Variants in CHEK1 observed in about 807,000 individuals in gnomAD.
CHEK1 encodes serine/threonine-protein kinase Chk1.
Under a neutral mutation model 60.2 loss-of-function variants are expected in CHEK1, and 32 were observed. The ratio of observed to expected loss-of-function variants is 0.53; its 90% confidence interval spans 0.40 to 0.71. The LOEUF (loss-of-function observed/expected upper bound fraction) is 0.71. Among genes scored for constraint, CHEK1 ranks in the 30% least tolerant of loss-of-function variants. CHEK1 has a pLI of 0.00. For missense variants in CHEK1, 399 were observed against 564.6 expected, an observed-to-expected ratio of 0.71 and a Z score of 2.97; for synonymous variants, 179 against 187.2, an observed-to-expected ratio of 0.96 and a Z score of 0.36.
At chr11:125,671,134 T>C (rs1942194703) in intron 13 of CHEK1, among the ~76,000 whole-genome samples, 2 of 152,142 alleles carry the variant, frequency 1.3e-5, no homozygotes, top group Admixed American at 6.5e-5. Context: ...CTCAAATTAT[T>C]TTCCTGCCTC....
chr11:125,648,456 C>T (rs901559017), intron 11 of CHEK1, among the ~76,000 whole-genome samples: 1 of 151,886 alleles, frequency 6.6e-6, no homozygotes, highest in Non-Finnish European at 1.5e-5. Context: ...GTTGCGGGCA[C>T]CGGTAATCCC....
At chr11:125,665,037 T>C (rs1942074546) in intron 13 of CHEK1, among the ~76,000 whole-genome samples, 2 of 152,184 alleles carry the variant, frequency 1.3e-5, no homozygotes, top group South Asian at 4.1e-4. Context: ...TTGAAGAGAC[T>C]GTCCCCAGTG....
At chr11:125,639,524 G>A (rs1941203349) in intron 8 of CHEK1, among the ~76,000 whole-genome samples, 1 of 151,062 alleles carries the variant, frequency 6.6e-6, no homozygotes, top group Admixed American at 6.6e-5. Flanking sequence ...TTACAGGTGT[G>A]AACCACCACA....
intron 6 of CHEK1, among the ~76,000 whole-genome samples, chr11:125,634,947 T>G (rs1336911325): frequency 1.4e-5 from 2 of 147,604 alleles, no homozygotes; most frequent in Non-Finnish European, 3.0e-5. Flanking sequence ...CAAGAAATGA[T>G]TCATCTGTTT....
Position 125,656,157 on chromosome 11 carries a change from A to G in CHEK1, c.*837A>G, listed in dbSNP as rs1941896815. On this transcript the variant is annotated 3_prime_UTR_variant, in exon 13 of 13. Transcript: ENST00000438015. Reference sequence around the variant, plus strand: ...TGTTCCTTTACCTGTTAGACTTACAAAAAGTTTGTTTTTCTAATAAAATTT... The same window carrying G: ...TGTTCCTTTACCTGTTAGACTTACAGAAAGTTTGTTTTTCTAATAAAATTT... The G allele has an allele frequency of 4.8e-6, 1 of 210,344 alleles. No homozygotes were observed. Among genetic ancestry groups the G allele is most frequent in the African/African-American group, 2.3e-5 (1 of 44,160 alleles). 13.0% of individuals were successfully genotyped at this position (210,344 alleles called of 1,614,324 possible). A position where few individuals can be genotyped will look rare whatever the true frequency, so the allele number is the denominator to read the frequency against.
downstream of CHEK1, among the ~76,000 whole-genome samples, chr11:125,678,470 C>G (rs570125567): frequency 2.0e-5 from 3 of 152,094 alleles, no homozygotes; most frequent in African/African-American, 4.8e-5. Flanking sequence ...CCCAAAAGGC[C>G]ATGGAGGACA....
At chr11:125,680,249 A>C (rs1051368727), downstream of CHEK1, among the ~76,000 whole-genome samples, 2 of 152,238 alleles carry the variant, frequency 1.3e-5, no homozygotes, top group Non-Finnish European at 1.5e-5. Context: ...GATGATACAG[A>C]AAACCTGATT....
chr11:125,651,577 T>A (rs771672126), intron 11 of CHEK1, among the ~76,000 whole-genome samples: 16 of 152,108 alleles, frequency 1.1e-4, no homozygotes, highest in Non-Finnish European at 2.1e-4. Context: ...CATGAGCCAC[T>A]GTGCCTGGCC....
chr11:125,638,841 T>G (rs534717884), intron 8 of CHEK1, among the ~76,000 whole-genome samples: 33 of 152,332 alleles, frequency 2.2e-4, no homozygotes, highest in Middle Eastern at 6.8e-3. Flanking sequence ...ATTTGGATCA[T>G]CCTCCTGATA....
intron 2 of CHEK1, among the ~76,000 whole-genome samples, chr11:125,627,050 T>G (rs3731397): frequency 6.6e-6 from 1 of 152,218 alleles, no homozygotes. Context: ...ATTGTTTCCA[T>G]GCCCACAAAT....
chr11:125,666,668 G>C (rs185656641), intron 13 of CHEK1, among the ~76,000 whole-genome samples: 3 of 151,982 alleles, frequency 2.0e-5, no homozygotes, highest in Admixed American at 2.0e-4. Context: ...ATATATTTAG[G>C]TGCTATGGTG....
At chr11:125,626,910 A>T (rs1940638527) in intron 2 of CHEK1, 77 bp downstream of exon 2, 1 of 1,472,902 alleles carries the variant, frequency 6.8e-7, no homozygotes, top group African/African-American at 1.4e-5. Flanking sequence ...GGTGATTTAG[A>T]AAGTAGATGT....
Position 125,635,412 on chromosome 11 carries a change from A to G in CHEK1, c.614-17A>G, listed in dbSNP as rs1941032241. 3 of 1,434,378 alleles carry G rather than the reference A, an allele frequency of 2.1e-6. No individual in the cohort carries two copies. The Admixed American group carries it at 6.8e-5, about 33-fold the overall frequency. The allele number at this position is 1,434,378 out of a possible 1,614,324, so 88.9% of individuals were successfully genotyped here. A position where few individuals can be genotyped will look rare whatever the true frequency, so the allele number is the denominator to read the frequency against. Reference sequence around the variant, plus strand: ...AATAAGAACATTTAAAAAAACTGGGACTTGCTTTGTTTTTAGAATTGCCAT... The same window carrying G: ...AATAAGAACATTTAAAAAAACTGGGGCTTGCTTTGTTTTTAGAATTGCCAT... On this transcript the variant is annotated splice_polypyrimidine_tract_variant and intron_variant, in intron 6 of 12. Coordinates refer to ENST00000438015, the MANE Select transcript of CHEK1 (RefSeq NM_001114122.3).
At chr11:125,648,299 T>C (rs763410651) in intron 11 of CHEK1, among the ~76,000 whole-genome samples, 2 of 152,098 alleles carry the variant, frequency 1.3e-5, no homozygotes, top group Non-Finnish European at 2.9e-5. Flanking sequence ...ATTACATTAT[T>C]TGGCAGGGCG....
At chr11:125,630,988 T>G (rs1407714297) in intron 5 of CHEK1, among the ~76,000 whole-genome samples, 1 of 152,160 alleles carries the variant, frequency 6.6e-6, no homozygotes, top group Non-Finnish European at 1.5e-5. Flanking sequence ...AAGAGACAGT[T>G]GCAAAAGAAT....
intron 13 of CHEK1, among the ~76,000 whole-genome samples, chr11:125,673,622 C>T (rs530438240): frequency 3.3e-5 from 5 of 152,250 alleles, no homozygotes; most frequent in Admixed American, 3.3e-4. Context: ...ACCAACTAAC[C>T]GATGATCACC....
At chr11:125,665,869 C>CCTTT (rs1329660137) in intron 13 of CHEK1, among the ~76,000 whole-genome samples, 1 of 30,514 alleles carries the variant, frequency 3.3e-5, no homozygotes, top group African/African-American at 1.4e-4. Flanking sequence ...CTTCATTCCC[C>CCTTT]TTTTTTTTTT....
intron 2 of CHEK1, 28 bp from the exon 3 acceptor site, chr11:125,627,579 G>T: frequency 6.4e-7 from 1 of 1,553,642 alleles, no homozygotes; most frequent in Non-Finnish European, 8.8e-7. Context: ...ATGGAATTCT[G>T]TAATGTTAAA....
At chr11:125,667,755 GA>G (rs1369625912) in intron 13 of CHEK1, among the ~76,000 whole-genome samples, 1 of 152,048 alleles carries the variant, frequency 6.6e-6, no homozygotes, top group African/African-American at 2.4e-5. Flanking sequence ...CAAGTAGCTG[GA>G]ATTACAGGTG....
Sources: allele counts gnomAD v4.1 joint callset (sites outside exome capture counted in the v4.1 genomes callset), GRCh38; gene constraint gnomAD v4.1.1; transcripts MANE v1.5; gene names NCBI Gene and HGNC (gene_info 2026-07-23, HGNC 2026-07-21).